Variants in PXDN observed in about 807,000 individuals in gnomAD.
PXDN encodes peroxidasin homolog.
Under a neutral mutation model 140.3 loss-of-function variants are expected in PXDN, and 77 were observed. That is an observed-to-expected ratio of 0.55 (90% CI 0.46 to 0.66). The LOEUF (loss-of-function observed/expected upper bound fraction) is 0.66. PXDN is among the 30% of genes least tolerant of loss of function. The pLI is 0.00. For synonymous variants in PXDN, 911 were observed against 857.4 expected, an observed-to-expected ratio of 1.06 and a Z score of -1.09; for missense variants, 1,838 against 2,039.5, an observed-to-expected ratio of 0.90 and a Z score of 1.90.
At chr2:1,739,819 A>T (rs1444105701) in intron 1 of PXDN, among the ~76,000 whole-genome samples, 1 of 152,202 alleles carries the variant, frequency 6.6e-6, no homozygotes, top group South Asian at 2.1e-4. Context: ...ACCACCTTGC[A>T]AAGATAAATT....
At chr2:1,662,457 G>A (rs1012189806) in intron 12 of PXDN, among the ~76,000 whole-genome samples, 1 of 152,182 alleles carries the variant, frequency 6.6e-6, no homozygotes, top group Admixed American at 6.5e-5. Context: ...ACAGACAGCC[G>A]CAGGGTCCAG....
At chr2:1,646,826 T>C (rs1018969688) in intron 17 of PXDN, among the ~76,000 whole-genome samples, 1 of 152,222 alleles carries the variant, frequency 6.6e-6, no homozygotes, top group Non-Finnish European at 1.5e-5. Flanking sequence ...CAGTGACCTG[T>C]GAATCTGATT....
At chr2:1,710,957 A>C in intron 1 of PXDN, among the ~76,000 whole-genome samples, 1 of 99,876 alleles carries the variant, frequency 1.0e-5, no homozygotes, top group Non-Finnish European at 1.9e-5. Flanking sequence ...CCGCTCCACC[A>C]GTACCCACTC....
At chr2:1,733,807 G>C (rs1685367814) in intron 1 of PXDN, among the ~76,000 whole-genome samples, 1 of 142,394 alleles carries the variant, frequency 7.0e-6, no homozygotes, top group Admixed American at 7.0e-5. Flanking sequence ...ATATTACTCA[G>C]GAAAATATCA....
chr2:1,684,293 C>T (rs2288184), intron 4 of PXDN, 142 bp from the exon 5 acceptor site: 2 of 669,968 alleles, frequency 3.0e-6, no homozygotes, highest in Non-Finnish European at 5.2e-6. Context: ...ATTGTATGAA[C>T]AATACATAAA....
rs766322707 is a variant in PXDN, at chr2:1,648,695, T to C, written c.3085A>G (p.Ile1029Val). 2 of 1,607,284 alleles carry C rather than the reference T, an allele frequency of 1.2e-6. No homozygotes were observed. The highest frequency in any genetic ancestry group is 1.7e-5 in the Admixed American group (1 of 59,212). ...RKIVGAEIQH[I>V]TYQHWLPKIL... The stretch of plus-strand genomic sequence containing the variant: ...TTCGGGAGCCAGTGCTGGTAGGTGA[T>C]GTGCTGGATCTCCGCACCCACGATC... The change falls in exon 17 of 23, where the codon ATC becomes GTC. Residue 1029 changes from isoleucine to valine, a missense_variant. Ile to Val is a conservative substitution (Grantham distance 29). Around this residue, in one of 5 missense-constraint regions of PXDN, gnomAD observed 850 missense variants for 894.1 expected, o/e 0.95. Transcript: ENST00000252804. This position sits in a 1 kb window ranked among gnomAD's most constrained non-coding sequence, Gnocchi z 8.9.
chr2:1,706,772 G>A lies in PXDN; in HGVS notation c.201-13638C>T, dbSNP rs1684622935. ...CTGCCCCACTAATAATACAATCCGA[G>A]AGCACACTTCAGTGATCACCAATCA... On this transcript the variant is annotated intron_variant, in intron 1 of 22. Transcript: ENST00000252804. 1.6e-5 allele frequency among the ~76,000 whole-genome samples: 2 copies of A among 126,824 alleles called. 1 individual carries two copies. Among genetic ancestry groups the A allele is most frequent in the Admixed American group, 1.5e-4 (2 of 13,114 alleles). The allele number at this position is 126,824 out of a possible 152,430, so 83.2% of individuals were successfully genotyped here. A position where few individuals can be genotyped will look rare whatever the true frequency, so the allele number is the denominator to read the frequency against.
chr2:1,695,180 GGGAAGACAGCA>G (rs142067663), intron 1 of PXDN, among the ~76,000 whole-genome samples: 2,937 of 152,340 alleles, frequency 0.019, 50 homozygotes, highest in African/African-American at 0.042. Flanking sequence ...CCTGGAGCCT[GGGAAGACAGCA>G]GGAAGAGCCA....
chr2:1,720,906 AC>A lies in PXDN; in HGVS notation c.200+23349del, dbSNP rs143932837. Among the ~76,000 whole-genome samples the A allele has an allele frequency of 0.019, 2,845 of 152,066 alleles. 259 individuals are homozygous for A. The East Asian group carries it at 0.3, about 16-fold the overall frequency. On this transcript the variant is annotated intron_variant, in intron 1 of 22. Transcript: ENST00000252804. ...ACAGCAGTCCTCATGCTGGCCGCTT[AC>A]TGATGCTACAGCCCCGGGGAAGCAT...
intron 8 of PXDN, among the ~76,000 whole-genome samples, chr2:1,675,937 C>T (rs1683696066): frequency 2.0e-5 from 3 of 152,080 alleles, no homozygotes; most frequent in Admixed American, 6.5e-5. Context: ...GCAGGAGGAG[C>T]TCCTTCAGAA....
At chr2:1,680,131 T>G in intron 7 of PXDN, 62 bp downstream of exon 7, 2 of 1,473,560 alleles carry the variant, frequency 1.4e-6, no homozygotes, top group African/African-American at 1.4e-5. Flanking sequence ...GGTGTGTGTG[T>G]GGATGGTGTG....
intron 1 of PXDN, among the ~76,000 whole-genome samples, chr2:1,742,409 T>G (rs1246959512): frequency 6.6e-6 from 1 of 152,196 alleles, no homozygotes; most frequent in Non-Finnish European, 1.5e-5. Context: ...TGAGGAAGTG[T>G]TGTGCGAGTG....
At position 1,666,461 on chromosome 2, in the gene PXDN, T is replaced by C. The variant is rs1345616010; in HGVS notation, c.1044A>G (p.Pro348=). The change falls in exon 10 of 23, where the codon CCA becomes CCG. Residue 348 remains proline, a synonymous_variant. Coordinates refer to ENST00000252804, the MANE Select transcript of PXDN (RefSeq NM_012293.3). ...SPARPTFVIQ[P]QNTEVLVGES... is the part of the protein sequence containing the mutation. The stretch of plus-strand genomic sequence containing the variant: ...CCCCAACCAGCACCTCTGTATTCTG[T>C]GGCTGGATTACAAAAGTGGGTCGAG... 7.5e-6 allele frequency: 12 copies of C among 1,596,616 alleles called. No homozygotes were observed. Among genetic ancestry groups the C allele is most frequent in the Non-Finnish European group, 1.0e-5 (12 of 1,165,660 alleles).
chr2:1,695,437 G>A (rs1452229776), intron 1 of PXDN, among the ~76,000 whole-genome samples: 21 of 125,240 alleles, frequency 1.7e-4, no homozygotes, highest in African/African-American at 6.2e-4. Flanking sequence ...GTGCCCTGCT[G>A]GACAGAGAGG....
chr2:1,670,521 T>G (rs1439249484), intron 9 of PXDN, among the ~76,000 whole-genome samples: 2 of 152,154 alleles, frequency 1.3e-5, no homozygotes, highest in Non-Finnish European at 2.9e-5. Flanking sequence ...TTTATATATG[T>G]TAATATGTAA....
chr2:1,666,608 C>T (rs1431429941), intron 9 of PXDN, 122 bp from the exon 10 acceptor site: 28 of 1,215,890 alleles, frequency 2.3e-5, no homozygotes, highest in South Asian at 8.2e-5. Context: ...ACAAACACAA[C>T]GTAACTGCAT....
chr2:1,662,219 G>T, intron 12 of PXDN, 35 bp from the exon 13 acceptor site: 1 of 1,525,404 alleles, frequency 6.6e-7, no homozygotes, highest in Non-Finnish European at 8.9e-7. Flanking sequence ...AGGAGAACGA[G>T]TCAATTACAT....
chr2:1,689,828 G>T (rs1384859403), intron 3 of PXDN, among the ~76,000 whole-genome samples: 1 of 151,450 alleles, frequency 6.6e-6, no homozygotes, highest in Non-Finnish European at 1.5e-5. Flanking sequence ...ATAATAAATT[G>T]TGATTTTCTA....
At chr2:1,659,080 G>A (rs955502456) in intron 14 of PXDN, among the ~76,000 whole-genome samples, 12 of 152,228 alleles carry the variant, frequency 7.9e-5, no homozygotes, top group African/African-American at 1.9e-4. Context: ...TTTGCTGAAC[G>A]AACGACCAAG....
Sources: gnomAD v4.1 joint callset for allele counts (sites outside exome capture counted in the v4.1 genomes callset) on GRCh38, gnomAD v4.1.1 for gene constraint, gnomAD v4.1.1 regional missense constraint, Gnocchi (gnomAD v3.1) non-coding constraint, MANE v1.5 for transcripts, NCBI Gene and HGNC (gene_info 2026-07-23, HGNC 2026-07-21) for gene names.